The following NECTIN4 variants were observed in gnomAD, a reference collection of about 807,000 sequenced individuals.
NECTIN4 encodes the protein nectin cell adhesion molecule 4.
A neutral mutation model predicts 51.7 loss-of-function variants in NECTIN4; 19 were observed. The observed-to-expected ratio is 0.37, with a 90% CI of 0.26 to 0.54. The LOEUF (loss-of-function observed/expected upper bound fraction) is 0.54, where lower values mean the gene tolerates loss of function less well. NECTIN4 is among the 20% of genes least tolerant of loss of function. The probability of loss-of-function intolerance (pLI) is 0.86; values close to 1 mark genes in which losing one functional copy is unlikely to be tolerated. For missense variants in NECTIN4, 619 were observed against 662.4 expected (o/e 0.93, Z 0.72); for synonymous variants, 283 against 286.9 (o/e 0.99, Z 0.14).
Position 161,077,761 on chromosome 1 carries a change from C to T in NECTIN4, c.440-18G>A. 1 of 1,600,068 alleles carries T rather than the reference C, an allele frequency of 6.2e-7. No individual in the cohort carries two copies. The highest frequency in any genetic ancestry group is 1.1e-5 in the South Asian group (1 of 90,890). ...GGGAGGCACTGCAAATGGGGAAAGG[C>T]AGGGGTCACAGGTCTACACAATCCC... On this transcript the variant is annotated intron_variant, in intron 2 of 8. Transcript: ENST00000368012.
At position 161,089,411 on chromosome 1, in the gene NECTIN4, CCT is replaced by C. The variant is rs1654097871; in HGVS notation, c.-117_-116del. The C allele has an allele frequency of 1.0e-6, 1 of 990,010 alleles. No individual in the cohort carries two copies. The highest frequency in any genetic ancestry group is 1.3e-5 in the South Asian group (1 of 74,668). 61.3% of individuals were successfully genotyped at this position (990,010 alleles called of 1,614,324 possible). A position where few individuals can be genotyped will look rare whatever the true frequency, so the allele number is the denominator to read the frequency against. On this transcript the variant is annotated 5_prime_UTR_variant, in exon 1 of 9. Coordinates refer to ENST00000368012, the MANE Select transcript of NECTIN4 (RefSeq NM_030916.3). The surrounding 1 kb of genome is among the most constrained non-coding windows in gnomAD (Gnocchi z 4.1). ...AAGGCAGGAAGCTGCAGAGTTCTTG[CCT>C]CTCGCACTTGGGTCTCCACTAGGGG...
At chr1:161,078,782 C>T (rs1249794337) in intron 2 of NECTIN4, among the ~76,000 whole-genome samples, 1 of 151,824 alleles carries the variant, frequency 6.6e-6, no homozygotes, top group African/African-American at 2.4e-5. Context: ...GAGGCCAAGA[C>T]GAGCGGATCA....
chr1:161,084,047 G>A (rs768636887), intron 1 of NECTIN4, among the ~76,000 whole-genome samples: 7 of 152,212 alleles, frequency 4.6e-5, no homozygotes, highest in Non-Finnish European at 1.0e-4. Flanking sequence ...GTAGGGGATC[G>A]TAGAGGTGGG....
At chr1:161,080,040 G>A (rs1557948319) in intron 1 of NECTIN4, 91 bp from the exon 2 acceptor site, 1 of 1,454,976 alleles carries the variant, frequency 6.9e-7, no homozygotes, top group Non-Finnish European at 9.2e-7. Context: ...AAAGGTGACC[G>A]GAACTCCTGG....
In NECTIN4 at chr1:161,079,763, T is replaced by A. The variant is rs1009769863; in HGVS notation, c.266A>T (p.His89Leu). 1.2e-6 allele frequency: 2 copies of A among 1,612,380 alleles called. No homozygotes were observed. The highest frequency in any genetic ancestry group is 1.7e-6 in the Non-Finnish European group (2 of 1,179,948). Residue 89 changes from histidine (H) to leucine (L), a missense_variant, in exon 2 of 9, where the codon CAT becomes CTT. Around this residue, in one of 3 missense-constraint regions of NECTIN4, gnomAD observed 218 missense variants for 186.3 expected, o/e 1.17. Coordinates refer to ENST00000368012, the MANE Select transcript of NECTIN4 (RefSeq NM_030916.3). ...GCGGCCCTCGTAAGCCGGGCTCACATGAAGCCCGTATTTGGAGTGCAGTAG... is the reference window on the plus strand; with the variant it reads ...GCGGCCCTCGTAAGCCGGGCTCACAAGAAGCCCGTATTTGGAGTGCAGTAG... ...LALLHSKYGL[H>L]VSPAYEGRVE...
Position 161,089,156 on chromosome 1 carries a change from ATG to A in NECTIN4, c.79+60_79+61del, listed in dbSNP as rs1381024075. 7 of 1,428,112 alleles carry A rather than the reference ATG, an allele frequency of 4.9e-6. No individual in the cohort carries two copies. The highest frequency in any genetic ancestry group is 4.9e-6 in the Non-Finnish European group (5 of 1,012,322). The allele number at this position is 1,428,112 out of a possible 1,614,324, so 88.5% of individuals were successfully genotyped here. ...TGCGTGTGTGTCTATGTGTTTGTGC[ATG>A]TGTGTCAGTGCCAGGTTGGGCTCAG... On this transcript the variant is annotated intron_variant, in intron 1 of 8. Coordinates refer to ENST00000368012, the MANE Select transcript of NECTIN4 (RefSeq NM_030916.3). The surrounding 1 kb of genome is among the most constrained non-coding windows in gnomAD (Gnocchi z 4.1).
rs1197051564 is a variant in NECTIN4, at chr1:161,079,844, A to G, written c.185T>C (p.Val62Ala). 2.5e-6 allele frequency: 4 copies of G among 1,613,682 alleles called. No homozygotes were observed. Among genetic ancestry groups the G allele is most frequent in the Non-Finnish European group, 3.4e-6 (4 of 1,180,016 alleles). The change falls in exon 2 of 9, where the codon GTG (valine) becomes GCG (alanine). Residue 62 changes from valine (V) to alanine (A), a missense_variant. Val to Ala is a moderately conservative substitution (Grantham distance 64). Around this residue, in one of 3 missense-constraint regions of NECTIN4, gnomAD observed 218 missense variants for 186.3 expected, o/e 1.17. Transcript: ENST00000368012. ...CACCCGAGCCCATGCCACTTGCCCC[A>G]CTTGCTCGCCGGAGTCCCCTCGGTA... The part of the protein sequence containing the change: ...CFYRGDSGEQ[V>A]GQVAWARVDA...
In NECTIN4 at chr1:161,076,237, T is replaced by G. The variant is rs370408963; in HGVS notation, c.851+118A>C. The G allele has an allele frequency of 9.4e-5, 105 of 1,117,836 alleles. 2 individuals carry two copies. Among genetic ancestry groups the G allele is most frequent in the East Asian group, 5.9e-4 (23 of 39,260 alleles). The allele number at this position is 1,117,836 out of a possible 1,614,324, so 69.2% of individuals were successfully genotyped here. On this transcript the variant is annotated intron_variant, in intron 4 of 8. Transcript: ENST00000368012. The stretch of plus-strand genomic sequence containing the variant: ...TAATAATACAAGAGATCTGAACACA[T>G]ACCCCAATTTATTTGGGGGCTCAGA...
chr1:161,073,167 G>T, intron 8 of NECTIN4, 58 bp downstream of exon 8: 1 of 1,486,266 alleles, frequency 6.7e-7, no homozygotes, highest in Non-Finnish European at 9.4e-7. Context: ...CCATATCTGG[G>T]ACCAGGACAG....
intron 3 of NECTIN4, 145 bp from the exon 4 acceptor site, chr1:161,076,620 T>G (rs1653427303): frequency 2.7e-6 from 3 of 1,092,894 alleles, no homozygotes; most frequent in Middle Eastern, 2.8e-4. Flanking sequence ...CAAACCTAGC[T>G]CAGCCCCACC....
At chr1:161,074,520 T>A in intron 5 of NECTIN4, 91 bp downstream of exon 5, 2 of 1,584,430 alleles carry the variant, frequency 1.3e-6, no homozygotes, top group Non-Finnish European at 1.7e-6. Flanking sequence ...AATAAACACT[T>A]TCCCAATTCA....
chr1:161,079,959 G>A lies in NECTIN4; in HGVS notation c.80-10C>T. On this transcript the variant is annotated splice_polypyrimidine_tract_variant and intron_variant, in intron 1 of 8. Transcript: ENST00000368012. ...CCCGCGGGGCACCGGCCTGCAGGGGGCAGAGAGGGACAGCCACCATTAGGG... is the reference window on the plus strand; with the variant it reads ...CCCGCGGGGCACCGGCCTGCAGGGGACAGAGAGGGACAGCCACCATTAGGG... The A allele has an allele frequency of 1.3e-6, 2 of 1,589,744 alleles. No homozygotes were observed. Among genetic ancestry groups the A allele is most frequent in the Non-Finnish European group, 1.7e-6 (2 of 1,164,620 alleles).
At chr1:161,082,303 G>T (rs377129872) in intron 1 of NECTIN4, among the ~76,000 whole-genome samples, 1 of 151,982 alleles carries the variant, frequency 6.6e-6, no homozygotes, top group African/African-American at 2.4e-5. Flanking sequence ...CCTCCAGCTT[G>T]GGCAACAAAG....
rs1476720168 is a variant in NECTIN4 at position 161,074,734 on chromosome 1, C to G, written c.877G>C (p.Val293Leu). Reference protein sequence around the residue: ...TRLDGPLPSGVRVDGDTLGFP... With the variant: ...TRLDGPLPSGLRVDGDTLGFP... Reference sequence around the variant, plus strand: ...CCCAAAGTGTCCCCATCCACTCGTACCCCACTGGGCAGAGGCCCATCCAGC... The same window carrying G: ...CCCAAAGTGTCCCCATCCACTCGTAGCCCACTGGGCAGAGGCCCATCCAGC... The change falls in exon 5 of 9, where the codon GTA becomes CTA. Residue 293 changes from valine to leucine, a missense_variant. By Grantham distance (32) the Val-to-Leu change is conservative. Around this residue, in one of 3 missense-constraint regions of NECTIN4, gnomAD observed 364 missense variants for 415.7 expected, o/e 0.88. Transcript: ENST00000368012. The G allele has an allele frequency of 6.2e-7, 1 of 1,613,948 alleles. No individual in the cohort carries two copies. Among genetic ancestry groups the G allele is most frequent in the African/African-American group, 1.3e-5 (1 of 75,048 alleles).
Position 161,077,548 on chromosome 1 carries a change from G to C in NECTIN4, c.635C>G (p.Pro212Arg), listed in dbSNP as rs387907014. 1 of 1,613,920 alleles carries C rather than the reference G, an allele frequency of 6.2e-7. No individual in the cohort carries two copies. The highest frequency in any genetic ancestry group is 1.1e-5 in the South Asian group (1 of 91,082). Residue 212 changes from proline (P) to arginine (R), a missense_variant, in exon 3 of 9, where the codon CCT (proline) becomes CGT (arginine). Coordinates refer to ENST00000368012, the MANE Select transcript of NECTIN4 (RefSeq NM_030916.3). ...AAVTSEFHLVPSRSMNGQPLT... is the reference protein window; with the variant it reads ...AAVTSEFHLVRSRSMNGQPLT... ...TGGCTGCCCATTCATGCTGCGGCTA[G>C]GCACCAAGTGGAACTCTGAGGTGAC...
chr1:161,081,478 G>C (rs1017933190), intron 1 of NECTIN4, among the ~76,000 whole-genome samples: 1 of 152,182 alleles, frequency 6.6e-6, no homozygotes, highest in African/African-American at 2.4e-5. Context: ...ACTTATGAGG[G>C]AGACAGGGCC....
chr1:161,085,611 G>T (rs2101678445), intron 1 of NECTIN4, among the ~76,000 whole-genome samples: 1 of 152,136 alleles, frequency 6.6e-6, no homozygotes, highest in East Asian at 1.9e-4. Context: ...GCCTGTTCCA[G>T]TGAAAGAGTG....
At chr1:161,076,497 G>C in intron 3 of NECTIN4, 22 bp from the exon 4 acceptor site, 1 of 1,613,484 alleles carries the variant, frequency 6.2e-7, no homozygotes. Context: ...AGTGGGAGGA[G>C]AAAGAATGGG....
At position 161,074,445 on chromosome 1, in the gene NECTIN4, C is replaced by A. The variant is rs768918761; in HGVS notation, c.1001-72G>T. 6.8e-6 allele frequency: 11 copies of A among 1,606,388 alleles called. No homozygotes were observed. The Admixed American group carries it at 1.2e-4, about 17-fold the overall frequency. Reference sequence around the variant, plus strand: ...CCCACCCCAGACCTCACAGCTCCCCCGCAAAACATCTAAAACCACACCTCA... The same window carrying A: ...CCCACCCCAGACCTCACAGCTCCCCAGCAAAACATCTAAAACCACACCTCA... On this transcript the variant is annotated intron_variant, in intron 5 of 8. Coordinates refer to ENST00000368012, the MANE Select transcript of NECTIN4 (RefSeq NM_030916.3).
Sources: allele counts gnomAD v4.1 joint callset (sites outside exome capture counted in the v4.1 genomes callset), GRCh38; gene constraint gnomAD v4.1.1; regional missense constraint gnomAD v4.1.1; non-coding constraint Gnocchi (gnomAD v3.1); transcripts MANE v1.5; gene names NCBI Gene and HGNC (gene_info 2026-07-23, HGNC 2026-07-21).